KLF8: variants seen among roughly 807,000 people sequenced by gnomAD.
The protein encoded by KLF8 is KLF transcription factor 8, also known as Krueppel-like factor 8.
Under a neutral mutation model 18.2 loss-of-function variants are expected in KLF8, and 10 were observed. That is an observed-to-expected ratio of 0.55 (90% confidence interval 0.34 to 0.93). The LOEUF (loss-of-function observed/expected upper bound fraction) is 0.93. KLF8 is among the 40% of genes least tolerant of loss of function. KLF8 has a pLI of 0.02. For missense variants in KLF8, 264 were observed against 277.9 expected, an observed-to-expected ratio of 0.95 and a Z score of 0.36; for synonymous variants, 109 against 97.3, an observed-to-expected ratio of 1.12 and a Z score of -0.71.
chrX:56,053,304 T>C, the KLF8 span, among the ~76,000 whole-genome samples: 1 of 112,093 alleles, frequency 8.9e-6, no homozygotes, highest in Non-Finnish European at 1.9e-5. Context: ...GTTTATATAA[T>C]GAATCACATT....
chrX:55,994,004 G>A, the KLF8 span, among the ~76,000 whole-genome samples: 31 of 106,399 alleles, frequency 2.9e-4, no homozygotes, highest in African/African-American at 8.9e-4. Context: ...TCCGCCTCCC[G>A]GGTTCAAGAG....
At chrX:56,128,000 A>G in the KLF8 span, among the ~76,000 whole-genome samples, 1 of 112,077 alleles carries the variant, frequency 8.9e-6, no homozygotes, top group Non-Finnish European at 1.9e-5. Flanking sequence ...GAAGGATGAC[A>G]GTGTCATCAG....
At chrX:56,199,111 T>A in the KLF8 span, among the ~76,000 whole-genome samples, 2 of 112,122 alleles carry the variant, frequency 1.8e-5, no homozygotes, top group African/African-American at 6.5e-5. Flanking sequence ...AAGACTTAAA[T>A]GTTAGACCTA....
At chrX:56,057,104 G>A in the KLF8 span, among the ~76,000 whole-genome samples, 3 of 112,007 alleles carry the variant, frequency 2.7e-5, no homozygotes, top group Admixed American at 9.4e-5. Context: ...TTGGGGCCAA[G>A]GGGTCCTTTT....
the KLF8 span, among the ~76,000 whole-genome samples, chrX:56,136,451 A>G: frequency 2.7e-5 from 3 of 111,062 alleles, no homozygotes; most frequent in African/African-American, 9.8e-5. Context: ...ATAACGCCGC[A>G]TATCTACAAC....
At chrX:56,194,190 C>T in the KLF8 span, among the ~76,000 whole-genome samples, 1 of 111,061 alleles carries the variant, frequency 9.0e-6, no homozygotes, top group African/African-American at 3.3e-5. Context: ...ACTGAGGTAC[C>T]TGGTTCATCT....
chrX:56,258,358 C>T (rs889489820), intron 2 of KLF8, among the ~76,000 whole-genome samples: 4 of 110,778 alleles, frequency 3.6e-5, no homozygotes, highest in Non-Finnish European at 7.6e-5. Context: ...CCGCAAGCTC[C>T]GCCTCCTGCG....
At chrX:56,111,342 A>C in the KLF8 span, among the ~76,000 whole-genome samples, 1 of 111,779 alleles carries the variant, frequency 8.9e-6, no homozygotes, top group African/African-American at 3.2e-5. Flanking sequence ...TTCTACTTGG[A>C]GTTCATTGGC....
At chrX:56,265,865 T>G (rs1174886720) in intron 3 of KLF8, 121 bp downstream of exon 3, 23 of 1,074,017 alleles carry the variant, frequency 2.1e-5, no homozygotes, top group Non-Finnish European at 2.8e-5. Flanking sequence ...AAGAGTAATC[T>G]TTCAAAAGTA....
chrX:56,119,404 C>T, the KLF8 span, among the ~76,000 whole-genome samples: 1 of 110,393 alleles, frequency 9.1e-6, no homozygotes, highest in Non-Finnish European at 1.9e-5. Context: ...CACCAGGTTC[C>T]GCTTATTATT....
chrX:55,969,629 A>C, the KLF8 span, among the ~76,000 whole-genome samples: 1 of 111,835 alleles, frequency 8.9e-6, no homozygotes, highest in Non-Finnish European at 1.9e-5. Flanking sequence ...AAGAAACAAC[A>C]CAAAAGATCA....
chrX:56,121,067 T>C, the KLF8 span, among the ~76,000 whole-genome samples: 8 of 107,391 alleles, frequency 7.4e-5, no homozygotes, highest in South Asian at 1.2e-3. Context: ...GCACCTGTAG[T>C]CCCTGCTATT....
chrX:56,250,897 T>A (rs2147607898), intron 2 of KLF8, among the ~76,000 whole-genome samples: 1 of 112,282 alleles, frequency 8.9e-6, no homozygotes, highest in Non-Finnish European at 1.9e-5. Flanking sequence ...TCTTTCTTGC[T>A]CTATGGAGGA....
At chrX:56,106,425 C>T in the KLF8 span, among the ~76,000 whole-genome samples, 1 of 111,600 alleles carries the variant, frequency 9.0e-6, no homozygotes, top group African/African-American at 3.3e-5. Flanking sequence ...GTTTTTACCC[C>T]TTTTTCTCTA....
the KLF8 span, among the ~76,000 whole-genome samples, chrX:56,162,863 C>T: frequency 9.0e-6 from 1 of 111,714 alleles, no homozygotes; most frequent in Non-Finnish European, 1.9e-5. Context: ...GTGCCGCTCA[C>T]ACTGGGGGCT....
the KLF8 span, among the ~76,000 whole-genome samples, chrX:55,938,071 G>T: frequency 1.8e-5 from 2 of 111,170 alleles, no homozygotes; most frequent in African/African-American, 6.6e-5. Context: ...ACACATAATT[G>T]TCAGATTCAC....
At chrX:56,216,511 C>CTGAT in the KLF8 span, among the ~76,000 whole-genome samples, 21 of 79,212 alleles carry the variant, frequency 2.7e-4, no homozygotes, top group East Asian at 8.2e-4. Flanking sequence ...TATCTGGCTG[C>CTGAT]TGATTTATTT....
Position 56,284,829 on chromosome X carries a change from C to T in KLF8, c.*335C>T, listed in dbSNP as rs1170070951. 5.1e-6 allele frequency: 1 copy of T among 197,006 alleles called. No homozygotes were observed. Among genetic ancestry groups the T allele is most frequent in the African/African-American group, 2.9e-5 (1 of 33,984 alleles). 16.2% of individuals were successfully genotyped at this position (197,006 alleles called of 1,213,427 possible). Reference sequence around the variant, plus strand: ...CAGGAATCAAACTCAAGGCTGTGAACAAACATACGCTGCTTTATTCTTTCC... The same window carrying T: ...CAGGAATCAAACTCAAGGCTGTGAATAAACATACGCTGCTTTATTCTTTCC... On this transcript the variant is annotated 3_prime_UTR_variant, in exon 6 of 6. Transcript: ENST00000468660.
chrX:56,001,697 G>A, the KLF8 span, among the ~76,000 whole-genome samples: 12 of 111,812 alleles, frequency 1.1e-4, no homozygotes. Flanking sequence ...TCATGCCTCA[G>A]CTCTTAACAA....
Sources: gnomAD v4.1 joint callset for allele counts (sites outside exome capture counted in the v4.1 genomes callset) on GRCh38, gnomAD v4.1.1 for gene constraint, MANE v1.5 for transcripts, NCBI Gene and HGNC (gene_info 2026-07-23, HGNC 2026-07-21) for gene names.